The following KIF21A variants were observed in gnomAD, a reference collection of about 807,000 sequenced individuals.
The protein encoded by KIF21A is kinesin-like protein KIF21A.
A neutral mutation model predicts 202.9 loss-of-function variants in KIF21A; 114 were observed. That is an observed-to-expected ratio of 0.56 (90% CI 0.48 to 0.66). The LOEUF (loss-of-function observed/expected upper bound fraction) is 0.66, where lower values mean the gene tolerates loss of function less well. Among genes scored for constraint, KIF21A ranks in the 30% least tolerant of loss-of-function variants. KIF21A has a pLI of 0.00. For missense variants in KIF21A, 1,677 were observed against 1,994.9 expected, an observed-to-expected ratio of 0.84 and a Z score of 3.04; for synonymous variants, 667 against 670.8, an observed-to-expected ratio of 0.99 and a Z score of 0.09.
chr12:39,420,718 G>GA (rs1308938575), intron 1 of KIF21A, among the ~76,000 whole-genome samples: 1 of 151,844 alleles, frequency 6.6e-6, no homozygotes, highest in Non-Finnish European at 1.5e-5. Flanking sequence ...TCTAATTCCT[G>GA]AAAATGACAC....
intron 1 of KIF21A, among the ~76,000 whole-genome samples, chr12:39,411,738 T>C (rs1399492473): frequency 2.0e-5 from 3 of 152,138 alleles, no homozygotes; most frequent in Non-Finnish European, 4.4e-5. Flanking sequence ...GGTTTTGCTA[T>C]GTTGCTCAGG....
intron 1 of KIF21A, among the ~76,000 whole-genome samples, chr12:39,436,422 T>TTATATATATATATATATATATATATA (rs1199818833): frequency 2.9e-4 from 29 of 99,088 alleles, no homozygotes; most frequent in South Asian, 9.3e-4. Context: ...GTTTACTATA[T>TTATATATATATATATATATATATATA]TATATATATA....
Position 39,309,648 on chromosome 12 carries a change from T to C in KIF21A, c.4215A>G (p.Val1405=). ...CCCACACCTTAATATAAGATGTTGA[T>C]ACAGTGAAGACCAAACTGGTATAAT... ...YCNYTSLVFT[V]STSYIKVWDI... is the part of the protein sequence containing the mutation. The change falls in exon 33 of 38, where the codon GTA becomes GTG. Residue 1405 remains valine (V), a synonymous_variant. Coordinates refer to ENST00000361418, the MANE Select transcript of KIF21A (RefSeq NM_001173464.2). The C allele has an allele frequency of 6.2e-7, 1 of 1,613,276 alleles. No individual in the cohort carries two copies. The highest frequency in any genetic ancestry group is 8.5e-7 in the Non-Finnish European group (1 of 1,179,586).
At chr12:39,436,117 G>A (rs191684053) in intron 1 of KIF21A, among the ~76,000 whole-genome samples, 462 of 152,090 alleles carry the variant, frequency 3.0e-3, no homozygotes, top group Non-Finnish European at 4.9e-3. Flanking sequence ...GACAGTGAGC[G>A]ACCTTATCTA....
Position 39,358,337 on chromosome 12 carries a change from G to A in KIF21A, c.1056C>T (p.Asp352=). The A allele has an allele frequency of 1.2e-6, 2 of 1,614,098 alleles. No individual in the cohort carries two copies. The highest frequency in any genetic ancestry group is 2.7e-5 in the African/African-American group (2 of 75,048). ...TIMIACVSPS[D]RDFMETLNTL... ...TGTTTAACGTTTCCATAAAGTCTCT[G>A]TCTGAAGGGCTGACACATGCTATCA... Residue 352 remains aspartate, a synonymous_variant, in exon 8 of 38, where the codon GAC becomes GAT. Transcript: ENST00000361418.
intron 1 of KIF21A, among the ~76,000 whole-genome samples, chr12:39,416,622 T>G (rs924404910): frequency 5.2e-5 from 7 of 134,720 alleles, no homozygotes; most frequent in African/African-American, 2.0e-4. Flanking sequence ...TATATGTACA[T>G]ATATATGTGT....
chr12:39,296,551 G>C (rs1431231322), intron 37 of KIF21A, among the ~76,000 whole-genome samples: 1 of 152,134 alleles, frequency 6.6e-6, no homozygotes, highest in Non-Finnish European at 1.5e-5. Context: ...CACAACCAAG[G>C]GGACCTGGAG....
At position 39,443,108 on chromosome 12, in the gene KIF21A, A is replaced by T. The variant is rs918957606; in HGVS notation, c.-138T>A. The T allele has an allele frequency of 4.1e-5, 34 of 826,198 alleles. No individual in the cohort carries two copies. Among genetic ancestry groups the T allele is most frequent in the Non-Finnish European group, 5.3e-5 (31 of 580,062 alleles). 51.2% of individuals were successfully genotyped at this position (826,198 alleles called of 1,614,324 possible). The stretch of plus-strand genomic sequence containing the variant: ...GGCTCACCTCCGCCGCGCTCCAGCC[A>T]TGTTGGGCGACTGAATGGAAAGGTG... On this transcript the variant is annotated 5_prime_UTR_variant, in exon 1 of 38. An upstream start codon of the reference 5' UTR is lost. Transcript: ENST00000361418.
At chr12:39,366,881 C>T in intron 5 of KIF21A, 149 bp downstream of exon 5, 1 of 804,964 alleles carries the variant, frequency 1.2e-6, no homozygotes, top group South Asian at 1.7e-5. Context: ...CATGGCTGAC[C>T]AGCTTCAACT....
intron 1 of KIF21A, among the ~76,000 whole-genome samples, chr12:39,386,128 CT>C (rs1950930101): frequency 6.6e-6 from 1 of 152,138 alleles, no homozygotes; most frequent in East Asian, 1.9e-4. Flanking sequence ...TTAACAAAAT[CT>C]TTGCCTGGAC....
rs1454548070 is a variant in KIF21A, at chr12:39,301,526, T to C, written c.4885A>G (p.Ile1629Val). 8 of 1,614,148 alleles carry C rather than the reference T, an allele frequency of 5.0e-6. No individual in the cohort carries two copies. The highest frequency in any genetic ancestry group is 4.5e-5 in the East Asian group (2 of 44,880). ...GTGGAATTAACACATATGGCATTGA[T>C]AGGACTATCATGACCCTTCATCTCT... ...VGEMKGHDSP[I>V]NAICVNSTHI... The change falls in exon 37 of 38, where the codon ATC becomes GTC. Residue 1629 changes from isoleucine (I) to valine (V), a missense_variant. Ile to Val is a conservative substitution (Grantham distance 29, BLOSUM62 3). Transcript: ENST00000361418.
At chr12:39,416,818 T>TAG (rs771982453) in intron 1 of KIF21A, among the ~76,000 whole-genome samples, 1 of 139,696 alleles carries the variant, frequency 7.2e-6, no homozygotes, top group African/African-American at 2.6e-5. Context: ...TATGTGTGTA[T>TAG]ATATGTACAT....
rs1566010888 is a variant in KIF21A, at chr12:39,370,019, G to A, written c.267+20C>T. 8 of 1,604,314 alleles carry A rather than the reference G, an allele frequency of 5.0e-6. No homozygotes were observed. The highest frequency in any genetic ancestry group is 6.8e-6 in the Non-Finnish European group (8 of 1,171,498). ...ATTTCTGAAAAGTTTCAACTCCTAT[G>A]AAAATAATATGGCACTTACTTGTCC... is the stretch of plus-strand genomic sequence containing the variant. On this transcript the variant is annotated intron_variant, in intron 2 of 37. Coordinates refer to ENST00000361418, the MANE Select transcript of KIF21A (RefSeq NM_001173464.2).
intron 27 of KIF21A, 30 bp from the exon 28 acceptor site, chr12:39,320,043 T>A (rs780901558): frequency 2.3e-6 from 3 of 1,308,402 alleles, no homozygotes. Flanking sequence ...TTTAATTACC[T>A]AATTCTAAAT....
rs113010345 is a variant in KIF21A, at chr12:39,356,630, G to A, written c.1469+202C>T. The A allele has an allele frequency of 1.6e-5, 7 of 444,282 alleles. No individual in the cohort carries two copies. The East Asian group carries it at 2.8e-4, about 18-fold the overall frequency. 27.5% of individuals were successfully genotyped at this position (444,282 alleles called of 1,614,324 possible). Reference sequence around the variant, plus strand: ...AGCAGTAAGAGTAGGAGAATAATATGGGAAGAGAAAGGAGGAAAACAGCTT... The same window carrying A: ...AGCAGTAAGAGTAGGAGAATAATATAGGAAGAGAAAGGAGGAAAACAGCTT... On this transcript the variant is annotated intron_variant, in intron 10 of 37. Coordinates refer to ENST00000361418, the MANE Select transcript of KIF21A (RefSeq NM_001173464.2).
chr12:39,370,288 A>T, intron 1 of KIF21A, 27 bp from the exon 2 acceptor site: 3 of 1,533,226 alleles, frequency 2.0e-6, no homozygotes, highest in Non-Finnish European at 2.7e-6. Context: ...GAAAAGAAAA[A>T]AATAAAATAA....
chr12:39,365,559 A>G (rs183659032), intron 6 of KIF21A, among the ~76,000 whole-genome samples: 1 of 152,380 alleles, frequency 6.6e-6, no homozygotes, highest in Non-Finnish European at 1.5e-5. Context: ...ACTAGGTGGC[A>G]TGGTATTAAA....
intron 30 of KIF21A, 50 bp downstream of exon 30, chr12:39,315,882 T>G (rs781649972): frequency 4.3e-6 from 6 of 1,405,202 alleles, no homozygotes; most frequent in Non-Finnish European, 6.1e-6. Flanking sequence ...GAAGGCACTT[T>G]AGAACATCAA....
rs535900862 is a variant in KIF21A at position 39,332,512 on chromosome 12, T to C, written c.2856+79A>G. The C allele has an allele frequency of 1.1e-4, 139 of 1,239,680 alleles. No individual in the cohort carries two copies. In the African/African-American group the frequency reaches 2.2e-3, roughly 20 times the overall value. The allele number at this position is 1,239,680 out of a possible 1,614,324, so 76.8% of individuals were successfully genotyped here. On this transcript the variant is annotated intron_variant, in intron 20 of 37. Coordinates refer to ENST00000361418, the MANE Select transcript of KIF21A (RefSeq NM_001173464.2). ...CAAAAAAAACTTGGTAAGTGTTAAA[T>C]TTACCCAGGGAACAAAATTGGAAGA...
Sources: allele counts gnomAD v4.1 joint callset (sites outside exome capture counted in the v4.1 genomes callset), GRCh38; gene constraint gnomAD v4.1.1; transcripts MANE v1.5; gene names NCBI Gene and HGNC (gene_info 2026-07-23, HGNC 2026-07-21).